AR: variants seen among roughly 807,000 people sequenced by gnomAD.
AR encodes the protein dihydrotestosterone receptor.
Under a neutral mutation model 53.9 loss-of-function variants are expected in AR, and 8 were observed. That is an observed-to-expected ratio of 0.15 (90% CI 0.09 to 0.27). The LOEUF (loss-of-function observed/expected upper bound fraction) is 0.27, where lower values mean the gene tolerates loss of function less well. AR is among the 10% of genes least tolerant of loss of function. The pLI, the probability that AR is intolerant of heterozygous loss-of-function variation, is 1.00. For synonymous variants in AR, 359 were observed against 316.4 expected (o/e 1.13, Z -1.43); for missense variants, 639 against 742.5 (o/e 0.86, Z 1.62).
intron 1 of AR, among the ~76,000 whole-genome samples, chrX:67,618,708 C>T (rs1157483518): frequency 9.0e-6 from 1 of 111,227 alleles, no homozygotes; most frequent in Admixed American, 9.6e-5. Context: ...GGAAGGGCTT[C>T]ATTGAATAAG....
At position 67,545,269 on chromosome X, in the gene AR, C is replaced by T. The variant is rs766336209; in HGVS notation, c.123C>T (p.His41=). The T allele has an allele frequency of 8.3e-7, 1 of 1,209,099 alleles. No individual in the cohort carries two copies. Among genetic ancestry groups the T allele is most frequent in the South Asian group, 1.8e-5 (1 of 56,794 alleles). The change falls in exon 1 of 8, where the codon CAC becomes CAT. Residue 41 remains histidine (H), a synonymous_variant. Coordinates refer to ENST00000374690, the MANE Select transcript of AR (RefSeq NM_000044.6). ...TGATCCAGAACCCGGGCCCCAGGCA[C>T]CCAGAGGCCGCGAGCGCAGCACCTC... ...REVIQNPGPR[H]PEAASAAPPG...
intron 4 of AR, among the ~76,000 whole-genome samples, chrX:67,712,137 G>A (rs1364873759): frequency 3.6e-5 from 4 of 111,905 alleles, no homozygotes; most frequent in Non-Finnish European, 5.6e-5. Flanking sequence ...ATATGGTATG[G>A]TGGAAAGAAC....
chrX:67,569,744 G>A (rs769327414), intron 1 of AR, among the ~76,000 whole-genome samples: 5 of 110,783 alleles, frequency 4.5e-5, no homozygotes, highest in African/African-American at 1.3e-4. Context: ...TATTTCTGTC[G>A]GTGTGTGGAT....
intron 2 of AR, among the ~76,000 whole-genome samples, chrX:67,685,069 G>A (rs941555031): frequency 9.0e-6 from 1 of 111,295 alleles, no homozygotes; most frequent in African/African-American, 3.3e-5. Context: ...AGCTGAAGCT[G>A]GAGCACGGTT....
At chrX:67,635,499 A>C (rs1167872315) in intron 1 of AR, among the ~76,000 whole-genome samples, 1 of 110,952 alleles carries the variant, frequency 9.0e-6, no homozygotes, top group Non-Finnish European at 1.9e-5. Flanking sequence ...GATTCTTCAA[A>C]GTATCCCCAA....
At chrX:67,629,966 A>G (rs1247960125) in intron 1 of AR, among the ~76,000 whole-genome samples, 2 of 109,764 alleles carry the variant, frequency 1.8e-5, no homozygotes, top group Admixed American at 9.7e-5. Context: ...GATTCTTAAT[A>G]CTGAGTTCTA....
chrX:67,723,968 A>C lies in AR; in HGVS notation c.*127A>C, dbSNP rs528866425. 1 of 909,509 alleles carries C rather than the reference A, an allele frequency of 1.1e-6. No individual in the cohort carries two copies. Among genetic ancestry groups the C allele is most frequent in the South Asian group, 2.2e-5 (1 of 44,731 alleles). 75.0% of individuals were successfully genotyped at this position (909,509 alleles called of 1,213,427 possible). A position where few individuals can be genotyped will look rare whatever the true frequency, so the allele number is the denominator to read the frequency against. On this transcript the variant is annotated 3_prime_UTR_variant, in exon 8 of 8. Coordinates refer to ENST00000374690, the MANE Select transcript of AR (RefSeq NM_000044.6). ...TTCCTCTATTGATGTACAGTCTGTCATGAACATGTTCCTGAATTCTATTTG... is the reference window on the plus strand; with the variant it reads ...TTCCTCTATTGATGTACAGTCTGTCCTGAACATGTTCCTGAATTCTATTTG...
At chrX:67,568,342 G>C (rs1043535030) in intron 1 of AR, among the ~76,000 whole-genome samples, 1 of 111,797 alleles carries the variant, frequency 8.9e-6, no homozygotes, top group Non-Finnish European at 1.9e-5. Flanking sequence ...CTAGAGGTCA[G>C]TTCCCTTTCG....
chrX:67,546,517 C>A lies in AR; in HGVS notation c.1371C>A (p.Gly457=), dbSNP rs747409696. The change falls in exon 1 of 8, where the codon GGC becomes GGA. Residue 457 remains glycine (G), a synonymous_variant. Coordinates refer to ENST00000374690, the MANE Select transcript of AR (RefSeq NM_000044.6). ...YGPCGGGGGG[G]GGGGGGGGGG... is the part of the protein sequence containing the mutation. Reference sequence around the variant, plus strand: ...CGTGTGGTGGTGGTGGGGGTGGTGGCGGCGGCGGCGGCGGCGGCGGCGGCG... The same window carrying A: ...CGTGTGGTGGTGGTGGGGGTGGTGGAGGCGGCGGCGGCGGCGGCGGCGGCG... The A allele has an allele frequency of 2.8e-4, 49 of 176,813 alleles. No individual in the cohort carries two copies. The highest frequency in any genetic ancestry group is 2.0e-4 in the Non-Finnish European group (28 of 138,901). The allele number at this position is 176,813 out of a possible 1,213,427, so 14.6% of individuals were successfully genotyped here. A position where few individuals can be genotyped will look rare whatever the true frequency, so the allele number is the denominator to read the frequency against.
rs1474823830 is a variant in AR, at chrX:67,575,171, G to T, written c.1616+28409G>T. Among the ~76,000 whole-genome samples the T allele has an allele frequency of 1.1e-4, 12 of 111,183 alleles. 1 individual carries two copies. Among genetic ancestry groups the T allele is most frequent in the Non-Finnish European group, 2.1e-4 (11 of 52,930 alleles). ...CTACTGAGCAGTGGGAGTGGAGCAG[G>T]TTGGGGATAGTGAAGTATTTGTAAT... On this transcript the variant is annotated intron_variant, in intron 1 of 7. Transcript: ENST00000374690.
At chrX:67,718,615 C>T (rs2076123050) in intron 5 of AR, among the ~76,000 whole-genome samples, 1 of 111,130 alleles carries the variant, frequency 9.0e-6, no homozygotes, top group South Asian at 3.9e-4. Context: ...TTCTGATTCA[C>T]CCTTTCCCTA....
chrX:67,675,193 T>C (rs1295092069), intron 2 of AR, among the ~76,000 whole-genome samples: 1 of 107,786 alleles, frequency 9.3e-6, no homozygotes, highest in Non-Finnish European at 1.9e-5. Context: ...CTCTTTACTC[T>C]CCCCTCTCCT....
At chrX:67,664,743 T>G (rs1268777532) in intron 2 of AR, among the ~76,000 whole-genome samples, 1 of 112,525 alleles carries the variant, frequency 8.9e-6, no homozygotes, top group Non-Finnish European at 1.9e-5. Context: ...GCAGGCCTCC[T>G]TGAGCTGTGG....
intron 2 of AR, among the ~76,000 whole-genome samples, chrX:67,681,334 A>G (rs1472422863): frequency 8.9e-6 from 1 of 111,802 alleles, no homozygotes; most frequent in Non-Finnish European, 1.9e-5. Context: ...GCAGGATTAC[A>G]TCCCATTTAC....
At chrX:67,648,795 A>G (rs964618174) in intron 2 of AR, among the ~76,000 whole-genome samples, 16 of 112,431 alleles carry the variant, frequency 1.4e-4, no homozygotes, top group African/African-American at 5.2e-4. Flanking sequence ...TAATGCTTAC[A>G]TAACTTTTGT....
At chrX:67,607,662 TG>T (rs1052216038) in intron 1 of AR, among the ~76,000 whole-genome samples, 1 of 112,239 alleles carries the variant, frequency 8.9e-6, no homozygotes, top group African/African-American at 3.2e-5. Context: ...TTGTTTAAAG[TG>T]TGATTCAAAT....
At chrX:67,556,382 G>T (rs776493090) in intron 1 of AR, among the ~76,000 whole-genome samples, 1 of 111,615 alleles carries the variant, frequency 9.0e-6, no homozygotes, top group Non-Finnish European at 1.9e-5. Context: ...ATCAATACTA[G>T]AAATTTATGA....
chrX:67,592,450 A>T (rs185881189), intron 1 of AR, among the ~76,000 whole-genome samples: 3 of 111,407 alleles, frequency 2.7e-5, no homozygotes, highest in African/African-American at 9.8e-5. Context: ...GATTATGTAC[A>T]TTTCAGATTT....
At chrX:67,685,647 G>A (rs1052828177) in intron 2 of AR, among the ~76,000 whole-genome samples, 4 of 111,317 alleles carry the variant, frequency 3.6e-5, no homozygotes, top group Non-Finnish European at 5.7e-5. Flanking sequence ...TCTCTTCTAC[G>A]CCATGCTAAA....
Sources: allele counts gnomAD v4.1 joint callset (sites outside exome capture counted in the v4.1 genomes callset), GRCh38; gene constraint gnomAD v4.1.1; transcripts MANE v1.5; gene names NCBI Gene and HGNC (gene_info 2026-07-23, HGNC 2026-07-21).